The following DAB1 variants were observed in gnomAD, a reference collection of about 807,000 sequenced individuals.
DAB1 encodes the protein DAB adaptor protein 1, also known as disabled homolog 1.
DAB1 carries 15 observed loss-of-function variants against 64.6 expected under a neutral mutation model. The ratio of observed to expected loss-of-function variants is 0.23; its 90% CI spans 0.16 to 0.36. The LOEUF (loss-of-function observed/expected upper bound fraction) is 0.36, where lower values mean the gene tolerates loss of function less well. DAB1 is among the 10% of genes least tolerant of loss of function. DAB1 has a pLI of 1.00. For synonymous variants in DAB1, 235 were observed against 251.9 expected (o/e 0.93, Z 0.64); for missense variants, 596 against 706.7 (o/e 0.84, Z 1.78).
chr1:57,881,826 T>C (rs1198863910), intron 1 of DAB1, among the ~76,000 whole-genome samples: 2 of 152,210 alleles, frequency 1.3e-5, no homozygotes, highest in African/African-American at 4.8e-5. Context: ...TCACCCACTG[T>C]GCTCATCACC....
At chr1:58,246,781 T>C (rs1405553613) in intron 4 of DAB1, among the ~76,000 whole-genome samples, 2 of 152,094 alleles carry the variant, frequency 1.3e-5, no homozygotes, top group African/African-American at 4.8e-5. Flanking sequence ...TGAAATTGTG[T>C]GTGAGTGGTG....
intron 7 of DAB1, among the ~76,000 whole-genome samples, chr1:57,566,453 C>CA (rs1411230642): frequency 6.6e-6 from 1 of 151,982 alleles, no homozygotes; most frequent in Non-Finnish European, 1.5e-5. Context: ...GATAGAGACA[C>CA]AAAAAACCCT....
At chr1:57,344,968 G>A (rs1414979955) in intron 1 of DAB1, among the ~76,000 whole-genome samples, 1 of 152,168 alleles carries the variant, frequency 6.6e-6, no homozygotes, top group Non-Finnish European at 1.5e-5. Context: ...TATTATGCCT[G>A]TCATGTGCTA....
intron 5 of DAB1, among the ~76,000 whole-genome samples, chr1:58,113,756 T>C (rs1393309564): frequency 2.0e-5 from 3 of 152,160 alleles, no homozygotes; most frequent in Non-Finnish European, 4.4e-5. Flanking sequence ...AGAAGGTCCT[T>C]GAAGTACGGG....
intron 2 of DAB1, among the ~76,000 whole-genome samples, chr1:57,274,613 C>T (rs1429954172): frequency 6.6e-6 from 1 of 152,166 alleles, no homozygotes; most frequent in Non-Finnish European, 1.5e-5. Flanking sequence ...TGGAGTCTTG[C>T]TCTGTTGCCC....
intron 6 of DAB1, among the ~76,000 whole-genome samples, chr1:57,695,380 GAAAGAAAGAAAGAAAGAAAGAAAGA>G (rs1646825273): frequency 2.9e-5 from 2 of 70,092 alleles, no homozygotes; most frequent in African/African-American, 5.5e-5. Context: ...AAGAAAGAAA[GAAAGAAAGAAAGAAAGAAAGAAAGA>G]AAGAAAGAAA....
chr1:57,497,213 C>A (rs879284156), intron 7 of DAB1, among the ~76,000 whole-genome samples: 1 of 152,176 alleles, frequency 6.6e-6, no homozygotes, highest in Non-Finnish European at 1.5e-5. Context: ...AATCCCCTTG[C>A]TCTACTATTT....
At chr1:57,510,809 C>T (rs1018572669) in intron 7 of DAB1, among the ~76,000 whole-genome samples, 27 of 152,182 alleles carry the variant, frequency 1.8e-4, no homozygotes, top group African/African-American at 6.5e-4. Context: ...CTCGGGGTCT[C>T]GCTCTGTCAC....
At chr1:58,373,330 T>TTA (rs1282217782) in intron 3 of DAB1, among the ~76,000 whole-genome samples, 1 of 72,720 alleles carries the variant, frequency 1.4e-5, no homozygotes, top group African/African-American at 3.5e-5. Context: ...CACTCCCCCC[T>TTA]CCCCACCACA....
intron 6 of DAB1, among the ~76,000 whole-genome samples, chr1:57,732,371 C>G (rs1647475053): frequency 6.6e-6 from 1 of 152,154 alleles, no homozygotes; most frequent in African/African-American, 2.4e-5. Flanking sequence ...CTGGACCAGG[C>G]ACGGTAGGGA....
intron 2 of DAB1, among the ~76,000 whole-genome samples, chr1:57,284,495 G>A (rs1672156903): frequency 6.6e-6 from 1 of 152,208 alleles, no homozygotes; most frequent in African/African-American, 2.4e-5. Flanking sequence ...TTTGGTGGCT[G>A]AGAAAAGTGA....
At chr1:57,952,174 G>A (rs1312710885) in intron 5 of DAB1, among the ~76,000 whole-genome samples, 1 of 151,884 alleles carries the variant, frequency 6.6e-6, no homozygotes, top group Admixed American at 6.6e-5. Context: ...ACAATAGGAT[G>A]TGACAAGAAG....
intron 5 of DAB1, among the ~76,000 whole-genome samples, chr1:57,924,825 C>T (rs760078402): frequency 1.3e-5 from 2 of 151,692 alleles, no homozygotes; most frequent in Admixed American, 6.6e-5. Context: ...AATTGATCCT[C>T]CTTCAAATGG....
chr1:57,317,251 C>CG (rs2100752412), intron 1 of DAB1, among the ~76,000 whole-genome samples: 1 of 152,236 alleles, frequency 6.6e-6, no homozygotes, highest in Non-Finnish European at 1.5e-5. Flanking sequence ...ACAGATCCAT[C>CG]CCGGGTGAGC....
intron 1 of DAB1, among the ~76,000 whole-genome samples, chr1:57,401,609 T>G (rs959023383): frequency 2.6e-5 from 4 of 152,160 alleles, no homozygotes; most frequent in African/African-American, 9.7e-5. Context: ...AGCATCACAG[T>G]ATGCATAAAA....
rs546714542 is a variant in DAB1, at chr1:57,405,080, A to G, written c.-137+18850T>C. ...GAGAAAGCCACAGAATGCTGTCATT[A>G]CAGACCCTAAAACTACGCATTTGAC... On this transcript the variant is annotated intron_variant, in intron 1 of 14. Transcript: ENST00000371236. 1.8e-4 allele frequency among the ~76,000 whole-genome samples: 28 copies of G among 152,352 alleles called. No individual in the cohort carries two copies. The South Asian group carries it at 5.8e-3, about 32-fold the overall frequency.
intron 4 of DAB1, among the ~76,000 whole-genome samples, chr1:57,114,638 C>T (rs1307714446): frequency 1.3e-5 from 2 of 152,214 alleles, no homozygotes; most frequent in Admixed American, 1.3e-4. Flanking sequence ...AAGGCCAGCT[C>T]TCCAGGGACT....
intron 2 of DAB1, among the ~76,000 whole-genome samples, chr1:57,152,881 A>G (rs1557821052): frequency 6.6e-6 from 1 of 152,228 alleles, no homozygotes; most frequent in Non-Finnish European, 1.5e-5. Context: ...ATTTGAACCC[A>G]GGTCTTCATA....
chr1:57,905,063 C>T (rs1241799554), intron 5 of DAB1, among the ~76,000 whole-genome samples: 5 of 152,008 alleles, frequency 3.3e-5, no homozygotes, highest in Admixed American at 1.3e-4. Flanking sequence ...GGTATATTAA[C>T]TTATTTATTG....
Sources: gnomAD v4.1 joint callset for allele counts (sites outside exome capture counted in the v4.1 genomes callset) on GRCh38, gnomAD v4.1.1 for gene constraint, MANE v1.5 for transcripts, NCBI Gene and HGNC (gene_info 2026-07-23, HGNC 2026-07-21) for gene names.